POMT2: variants seen among roughly 807,000 people sequenced by gnomAD.
POMT2 encodes protein O-mannosyl-transferase 2.
POMT2 carries 75 observed loss-of-function variants against 100.0 expected under a neutral mutation model. The ratio of observed to expected loss-of-function variants is 0.75; its 90% confidence interval spans 0.62 to 0.91. The LOEUF (loss-of-function observed/expected upper bound fraction) is 0.91. Among genes scored for constraint, POMT2 ranks in the 40% least tolerant of loss-of-function variants. POMT2 has a pLI of 0.00. For missense variants in POMT2, 940 were observed against 955.1 expected, an observed-to-expected ratio of 0.98 and a Z score of 0.21; for synonymous variants, 378 against 374.1, an observed-to-expected ratio of 1.01 and a Z score of -0.12.
intron 2 of POMT2, among the ~76,000 whole-genome samples, chr14:77,310,377 G>A (rs1008364803): frequency 6.6e-5 from 10 of 152,152 alleles, no homozygotes; most frequent in African/African-American, 1.4e-4. Flanking sequence ...TACTTTATAA[G>A]GTTGTTCTGA....
intron 2 of POMT2, 36 bp downstream of exon 2, chr14:77,311,913 T>C (rs1891446386): frequency 6.2e-7 from 1 of 1,612,710 alleles, no homozygotes; most frequent in African/African-American, 1.3e-5. Flanking sequence ...AACAATCCTC[T>C]GGGACCAGAG....
At chr14:77,317,037 T>C (rs1413895871) in intron 1 of POMT2, among the ~76,000 whole-genome samples, 1 of 151,880 alleles carries the variant, frequency 6.6e-6, no homozygotes, top group African/African-American at 2.4e-5. Context: ...CCACCAAGAC[T>C]GCTGCCATAG....
intron 6 of POMT2, 28 bp downstream of exon 6, chr14:77,301,062 T>C (rs529279280): frequency 6.2e-7 from 1 of 1,613,476 alleles, no homozygotes; most frequent in South Asian, 1.1e-5. Context: ...AGCAAAAACA[T>C]TTCCACAGCA....
intron 3 of POMT2, among the ~76,000 whole-genome samples, 154 bp from the exon 4 acceptor site, chr14:77,304,954 A>G (rs1337601121): frequency 6.6e-6 from 1 of 152,244 alleles, no homozygotes; most frequent in East Asian, 1.9e-4. Context: ...CTAAGAAAAG[A>G]GTATTGTAAT....
intron 6 of POMT2, chr14:77,300,712 T>C (rs948628444): frequency 2.5e-5 from 7 of 275,980 alleles, no homozygotes; most frequent in Non-Finnish European, 4.9e-5. Flanking sequence ...CCCAGCTACT[T>C]GGGAGGCTGA....
At chr14:77,291,550 G>A in intron 9 of POMT2, 170 bp from the exon 10 acceptor site, 1 of 808,730 alleles carries the variant, frequency 1.2e-6, no homozygotes, top group Non-Finnish European at 2.0e-6. Flanking sequence ...CTCATATGTA[G>A]CACTGGTGAG....
In POMT2 at chr14:77,301,232, CA is replaced by C. The variant is rs1594796439; in HGVS notation, c.673del (p.Trp225GlyfsTer7). On this transcript the variant is annotated frameshift_variant, in exon 6 of 21. Coordinates refer to ENST00000261534, the MANE Select transcript of POMT2 (RefSeq NM_013382.7). LOFTEE classifies it high-confidence loss of function. ...SCADRPFSAP[W>X]WFWLSLTGVS... is the part of the protein sequence containing the mutation. ...GCCAGTCAGGCTGAGCCAGAACCAC[CA>C]GGGGGCAGAGAAGGGCCTGAAAATC... is the stretch of plus-strand genomic sequence containing the variant. 1 of 1,614,152 alleles carries C rather than the reference CA, an allele frequency of 6.2e-7. No homozygotes were observed. Among genetic ancestry groups the C allele is most frequent in the Non-Finnish European group, 8.5e-7 (1 of 1,180,030 alleles).
Position 77,320,702 on chromosome 14 carries a change from C to T in POMT2, c.-21G>A. On this transcript the variant is annotated 5_prime_UTR_variant, in exon 1 of 21. Coordinates refer to ENST00000261534, the MANE Select transcript of POMT2 (RefSeq NM_013382.7). ...GGCATCTTCCCCCTCCTCTGGGTCG[C>T]CCTCCGGCCCGGAGGCACACTTTGT... The T allele has an allele frequency of 6.3e-7, 1 of 1,590,792 alleles. No individual in the cohort carries two copies. The highest frequency in any genetic ancestry group is 8.5e-7 in the Non-Finnish European group (1 of 1,177,022).
chr14:77,293,650 C>A (rs1890721231), intron 9 of POMT2, among the ~76,000 whole-genome samples: 1 of 152,176 alleles, frequency 6.6e-6, no homozygotes, highest in African/African-American at 2.4e-5. Flanking sequence ...ATTATTTAGT[C>A]CAATCCCCTC....
chr14:77,312,019 T>A lies in POMT2; in HGVS notation c.263A>T (p.His88Leu). The change falls in exon 2 of 21, where the codon CAC becomes CTC. Residue 88 changes from histidine (H) to leucine (L), a missense_variant. Coordinates refer to ENST00000261534, the MANE Select transcript of POMT2 (RefSeq NM_013382.7). ...EPPHICWDET[H>L]FGKMGSYYIN... ...ATAGTAACTTCCCATTTTTCCAAAGTGAGTCTCATCCCAACTAAAGGAAAC... is the reference window on the plus strand; with the variant it reads ...ATAGTAACTTCCCATTTTTCCAAAGAGAGTCTCATCCCAACTAAAGGAAAC... 6.2e-7 allele frequency: 1 copy of A among 1,614,018 alleles called. No individual in the cohort carries two copies. Among genetic ancestry groups the A allele is most frequent in the Non-Finnish European group, 8.5e-7 (1 of 1,179,964 alleles).
chr14:77,280,109 C>G (rs1216096442), intron 16 of POMT2, 29 bp from the exon 17 acceptor site: 3 of 1,613,546 alleles, frequency 1.9e-6, no homozygotes, highest in Non-Finnish European at 2.5e-6. Context: ...CCTGCTGACC[C>G]AGGCCCAGCC....
Position 77,320,712 on chromosome 14 carries a change from C to G in POMT2, c.-31G>C, listed in dbSNP as rs781452947. 6.3e-7 allele frequency: 1 copy of G among 1,588,254 alleles called. No homozygotes were observed. On this transcript the variant is annotated 5_prime_UTR_variant, in exon 1 of 21. Transcript: ENST00000261534. ...CCCTCCTCTGGGTCGCCCTCCGGCC[C>G]GGAGGCACACTTTGTCTGACCAGCC...
At chr14:77,281,251 CTTT>C (rs966028452) in intron 15 of POMT2, among the ~76,000 whole-genome samples, 2 of 151,992 alleles carry the variant, frequency 1.3e-5, no homozygotes, top group Non-Finnish European at 2.9e-5. Context: ...GCTTCTCCAC[CTTT>C]TTTTTCCACT....
intron 10 of POMT2, among the ~76,000 whole-genome samples, chr14:77,289,596 CTT>C (rs1356806647): frequency 1.3e-5 from 2 of 152,130 alleles, no homozygotes; most frequent in Non-Finnish European, 2.9e-5. Flanking sequence ...AATAGTAAGA[CTT>C]TAGTAGTAAT....
intron 1 of POMT2, among the ~76,000 whole-genome samples, chr14:77,315,557 C>A (rs921056620): frequency 3.9e-5 from 6 of 152,182 alleles, no homozygotes; most frequent in Admixed American, 3.9e-4. Flanking sequence ...CTGTGGCTTC[C>A]AGTGCTGAAT....
At chr14:77,320,219 G>T in intron 1 of POMT2, 1 of 751,266 alleles carries the variant, frequency 1.3e-6, no homozygotes, top group Non-Finnish European at 2.2e-6. Context: ...TGCTTCCTCA[G>T]ATACTAAGAA....
intron 1 of POMT2, among the ~76,000 whole-genome samples, chr14:77,313,141 C>A (rs566388010): frequency 6.6e-6 from 1 of 152,334 alleles, no homozygotes; most frequent in East Asian, 1.9e-4. Context: ...CTCCCTGTAG[C>A]TCAAAAGAAG....
chr14:77,311,437 C>T (rs1242617393), intron 2 of POMT2, among the ~76,000 whole-genome samples: 1 of 152,224 alleles, frequency 6.6e-6, no homozygotes. Context: ...CTACCTAATT[C>T]TGTAACATGT....
At position 77,311,005 on chromosome 14, in the gene POMT2, C is replaced by T. The variant is rs531344000; in HGVS notation, c.333+944G>A. ...AAAAATTAGCCAGCGTGGTGGCGGG[C>T]GCCTGTAATCCCAGCTACTTGGGAG... On this transcript the variant is annotated intron_variant, in intron 2 of 20. Coordinates refer to ENST00000261534, the MANE Select transcript of POMT2 (RefSeq NM_013382.7). Among the ~76,000 whole-genome samples the T allele has an allele frequency of 2.5e-4, 38 of 152,256 alleles. 1 individual carries two copies. The highest frequency in any genetic ancestry group is 8.7e-4 in the African/African-American group (36 of 41,554).
Sources: allele counts gnomAD v4.1 joint callset (sites outside exome capture counted in the v4.1 genomes callset), GRCh38; gene constraint gnomAD v4.1.1; transcripts MANE v1.5; gene names NCBI Gene and HGNC (gene_info 2026-07-23, HGNC 2026-07-21).